C3AR1: variants seen among roughly 807,000 people sequenced by gnomAD.
C3AR1 encodes the protein complement C3a receptor 1.
For missense variants in C3AR1, 579 were observed against 583.5 expected (o/e 0.99, Z 0.08); for synonymous variants, 208 against 225.3 (o/e 0.92, Z 0.69).
Position 8,058,681 on chromosome 12 carries a change from T to A in C3AR1, c.*56A>T, listed in dbSNP as rs1378948546. ...CTCACCATATCACTTCATCCTCTTA[T>A]AAACTTTCACTATGTGATTGCCTAA... On this transcript the variant is annotated 3_prime_UTR_variant, in exon 2 of 2. Transcript: ENST00000307637. The A allele has an allele frequency of 3.3e-6, 5 of 1,535,782 alleles. No individual in the cohort carries two copies. The highest frequency in any genetic ancestry group is 4.4e-6 in the Non-Finnish European group (5 of 1,141,744).
rs1416863249 is a variant in C3AR1, at chr12:8,060,207, T to A, written c.-10-12A>T. ...CCATTGCTAAACTTCTGCAAAAAGA[T>A]GAAAAAAATGTTAAAACAAACAGTA... On this transcript the variant is annotated splice_polypyrimidine_tract_variant and intron_variant, in intron 1 of 1. Coordinates refer to ENST00000307637, the MANE Select transcript of C3AR1 (RefSeq NM_004054.4). 4 of 1,552,760 alleles carry A rather than the reference T, an allele frequency of 2.6e-6. No homozygotes were observed. The highest frequency in any genetic ancestry group is 2.0e-5 in the Admixed American group (1 of 48,864).
intron 1 of C3AR1, among the ~76,000 whole-genome samples, chr12:8,065,674 A>T (rs1947324368): frequency 6.7e-6 from 1 of 149,712 alleles, no homozygotes; most frequent in Non-Finnish European, 1.5e-5. Context: ...AAAAAAAAAA[A>T]AAGTCCTGCA....
rs1248761252 is a variant in C3AR1, at chr12:8,059,945, G to A, written c.241C>T (p.His81Tyr). ...GGCCACTGTCCCTGGAGAGCCAAGT[G>A]AGCCAGCGAGAAGGGCAAGGAGAGG... ...CCLSLPFSLA[H>Y]LALQGQWPYG... Residue 81 changes from histidine to tyrosine, a missense_variant, in exon 2 of 2, where the codon CAC becomes TAC. Transcript: ENST00000307637. 1.1e-5 allele frequency: 18 copies of A among 1,614,194 alleles called. No individual in the cohort carries two copies. The highest frequency in any genetic ancestry group is 1.5e-5 in the Non-Finnish European group (18 of 1,180,044).
At position 8,060,072 on chromosome 12, in the gene C3AR1, C is replaced by A. The variant is rs1947258799; in HGVS notation, c.114G>T (p.Leu38Phe). The A allele has an allele frequency of 6.2e-7, 1 of 1,614,134 alleles. No individual in the cohort carries two copies. The highest frequency in any genetic ancestry group is 8.5e-7 in the Non-Finnish European group (1 of 1,180,028). ...CCCACAGCACCAGCCCATTGCCTGGCAATCCCAGTAAAAAAGTAAGGCTGA... is the reference window on the plus strand; with the variant it reads ...CCCACAGCACCAGCCCATTGCCTGGAAATCCCAGTAAAAAAGTAAGGCTGA... ...VILSLTFLLG[L>F]PGNGLVLWVA... Residue 38 changes from leucine (L) to phenylalanine (F), a missense_variant, in exon 2 of 2, where the codon TTG becomes TTT. Physicochemically the swap from Leu to Phe is conservative, Grantham distance 22. Coordinates refer to ENST00000307637, the MANE Select transcript of C3AR1 (RefSeq NM_004054.4).
In C3AR1 at chr12:8,057,443, A is replaced by T. The variant is rs1455396471; in HGVS notation, c.*1294T>A. On this transcript the variant is annotated 3_prime_UTR_variant, in exon 2 of 2. Coordinates refer to ENST00000307637, the MANE Select transcript of C3AR1 (RefSeq NM_004054.4). ...AGTCGTTTTATCATGCCTCCAGAAA[A>T]GAGCAGCATAAGCACATGATTTAGA... Among the ~76,000 whole-genome samples the T allele has an allele frequency of 6.6e-6, 1 of 152,232 alleles. No homozygotes were observed. Among genetic ancestry groups the T allele is most frequent in the African/African-American group, 2.4e-5 (1 of 41,462 alleles).
At position 8,059,038 on chromosome 12, in the gene C3AR1, A is replaced by G. The variant is rs193921139; in HGVS notation, c.1148T>C (p.Val383Ala). 3 of 1,614,098 alleles carry G rather than the reference A, an allele frequency of 1.9e-6. No individual in the cohort carries two copies. Among genetic ancestry groups the G allele is most frequent in the African/African-American group, 1.3e-5 (1 of 75,056 alleles). ...AGTCCAGCAGACAAGAAAGACAGCCACCACCACCACGGCCACTCGAAAGGT... is the reference window on the plus strand; with the variant it reads ...AGTCCAGCAGACAAGAAAGACAGCCGCCACCACCACGGCCACTCGAAAGGT... ...SKTFRVAVVVVAVFLVCWTPY... is the reference protein window; with the variant it reads ...SKTFRVAVVVAAVFLVCWTPY... The change falls in exon 2 of 2, where the codon GTG becomes GCG. Residue 383 changes from valine (V) to alanine (A), a missense_variant. Transcript: ENST00000307637.
rs11567803 is a variant in C3AR1, at chr12:8,061,196, G to A, written c.-10-1001C>T. On this transcript the variant is annotated intron_variant, in intron 1 of 1. Coordinates refer to ENST00000307637, the MANE Select transcript of C3AR1 (RefSeq NM_004054.4). ...TCTTATTTATTTGTGTTTTATGACC[G>A]TAACTTGGGAAAAGAGCTTTATTAT... 1.6e-3 allele frequency among the ~76,000 whole-genome samples: 244 copies of A among 152,088 alleles called. 1 individual carries two copies. The highest frequency in any genetic ancestry group is 5.2e-3 in the African/African-American group (217 of 41,470).
At position 8,059,056 on chromosome 12, in the gene C3AR1, C is replaced by G; in HGVS notation, c.1130G>C (p.Arg377Pro). Residue 377 changes from arginine (R) to proline (P), a missense_variant, in exon 2 of 2, where the codon CGA (arginine) becomes CCA (proline). Arg to Pro is a moderately radical substitution (Grantham distance 103). Transcript: ENST00000307637. Reference protein sequence around the residue: ...RFAKSQSKTFRVAVVVVAVFL... With the variant: ...RFAKSQSKTFPVAVVVVAVFL... Reference sequence around the variant, plus strand: ...GACAGCCACCACCACCACGGCCACTCGAAAGGTTTTGCTCTGAGACTTGGC... The same window carrying G: ...GACAGCCACCACCACCACGGCCACTGGAAAGGTTTTGCTCTGAGACTTGGC... 6.2e-7 allele frequency: 1 copy of G among 1,614,124 alleles called. No homozygotes were observed. The highest frequency in any genetic ancestry group is 8.5e-7 in the Non-Finnish European group (1 of 1,180,014).
At chr12:8,065,163 AT>A (rs1383050468) in intron 1 of C3AR1, among the ~76,000 whole-genome samples, 70 of 140,550 alleles carry the variant, frequency 5.0e-4, no homozygotes, top group Admixed American at 4.3e-3. Flanking sequence ...AAAAAAAAAA[AT>A]CACATTAAAA....
At position 8,066,303 on chromosome 12, in the gene C3AR1, G is replaced by C. The variant is rs374074556; in HGVS notation, c.-36C>G. 1.3e-5 allele frequency: 2 copies of C among 152,160 alleles called. No homozygotes were observed. Among genetic ancestry groups the C allele is most frequent in the Admixed American group, 6.5e-5 (1 of 15,272 alleles). The allele number at this position is 152,160 out of a possible 1,614,324, so 9.4% of individuals were successfully genotyped here. On this transcript the variant is annotated 5_prime_UTR_variant, in exon 1 of 2. Coordinates refer to ENST00000307637, the MANE Select transcript of C3AR1 (RefSeq NM_004054.4). The stretch of plus-strand genomic sequence containing the variant: ...CAAAAAACTGAGACAGTAGCTGAAG[G>C]CTTCAGCACCTGGATGTCTCCACGA...
In C3AR1 at chr12:8,059,166, C is replaced by A. The variant is rs1335247510; in HGVS notation, c.1020G>T (p.Arg340Ser). The A allele has an allele frequency of 5.0e-6, 8 of 1,613,970 alleles. No individual in the cohort carries two copies. In the East Asian group the frequency reaches 6.7e-5, roughly 13 times the overall value. ...PTPLVAITIT[R>S]LVVGFLLPSV... ...AGGGCAGCAGGAAACCCACCACTAGCCTAGTGATCGTTATTGCCACGAGGG... is the reference window on the plus strand; with the variant it reads ...AGGGCAGCAGGAAACCCACCACTAGACTAGTGATCGTTATTGCCACGAGGG... Residue 340 changes from arginine (R) to serine (S), a missense_variant, in exon 2 of 2, where the codon AGG becomes AGT. Transcript: ENST00000307637.
chr12:8,062,345 G>C (rs1947282870), intron 1 of C3AR1, among the ~76,000 whole-genome samples: 1 of 151,758 alleles, frequency 6.6e-6, no homozygotes. Flanking sequence ...TTTTGTTTCT[G>C]TTTGTAAAGA....
chr12:8,059,198 G>C lies in C3AR1; in HGVS notation c.988C>G (p.Pro330Ala), dbSNP rs943889748. 1 of 1,614,094 alleles carries C rather than the reference G, an allele frequency of 6.2e-7. No individual in the cohort carries two copies. The highest frequency in any genetic ancestry group is 1.3e-5 in the African/African-American group (1 of 74,922). Residue 330 changes from proline to alanine, a missense_variant, in exon 2 of 2, where the codon CCA becomes GCA. Pro to Ala is a conservative substitution (Grantham distance 27). Coordinates refer to ENST00000307637, the MANE Select transcript of C3AR1 (RefSeq NM_004054.4). ...ATCGTTATTGCCACGAGGGGTGTTG[G>C]CACTTGATCGTCATCTGTGAATTGG... ...LGQFTDDDQV[P>A]TPLVAITITR...
At chr12:8,064,990 A>C (rs1435654922) in intron 1 of C3AR1, among the ~76,000 whole-genome samples, 1 of 152,116 alleles carries the variant, frequency 6.6e-6, no homozygotes, top group Non-Finnish European at 1.5e-5. Flanking sequence ...CTGGGGTTAC[A>C]GACATGAGCC....
chr12:8,062,343 CTGT>C lies in C3AR1; in HGVS notation c.-10-2151_-10-2149del, dbSNP rs372823333. On this transcript the variant is annotated intron_variant, in intron 1 of 1. Transcript: ENST00000307637. Reference sequence around the variant, plus strand: ...TACCCGACCTTTATCTGTTTTGTTTCTGTTTGTAAAGATGGGGTCTTGCTATGT... The same window carrying C: ...TACCCGACCTTTATCTGTTTTGTTTCTTGTAAAGATGGGGTCTTGCTATGT... Among the ~76,000 whole-genome samples the C allele has an allele frequency of 7.2e-4, 109 of 152,044 alleles. 2 individuals carry two copies. In the East Asian group the frequency reaches 0.014, roughly 19 times the overall value.
chr12:8,060,287 G>A, intron 1 of C3AR1, 92 bp from the exon 2 acceptor site: 2 of 1,099,976 alleles, frequency 1.8e-6, no homozygotes, highest in Non-Finnish European at 2.6e-6. Context: ...ACATAAAGAT[G>A]TGGGATCATG....
intron 1 of C3AR1, among the ~76,000 whole-genome samples, chr12:8,062,819 T>G (rs1259801021): frequency 2.0e-5 from 3 of 151,932 alleles, no homozygotes; most frequent in African/African-American, 7.3e-5. Context: ...AATTTTTTTT[T>G]GTATTTTTAG....
intron 1 of C3AR1, among the ~76,000 whole-genome samples, chr12:8,063,116 C>T (rs942507213): frequency 6.6e-5 from 10 of 151,298 alleles, no homozygotes; most frequent in Non-Finnish European, 1.2e-4. Flanking sequence ...TACCACCACG[C>T]CCGGCTAATT....
At chr12:8,062,463 C>A (rs891093049) in intron 1 of C3AR1, among the ~76,000 whole-genome samples, 3 of 152,056 alleles carry the variant, frequency 2.0e-5, no homozygotes, top group Admixed American at 6.6e-5. Context: ...CCATGCCCCC[C>A]CTTTTATATG....
Sources: gnomAD v4.1 joint callset for allele counts (sites outside exome capture counted in the v4.1 genomes callset) on GRCh38, gnomAD v4.1.1 for gene constraint, MANE v1.5 for transcripts, NCBI Gene and HGNC (gene_info 2026-07-23, HGNC 2026-07-21) for gene names.